KCNMB4: variants seen among roughly 807,000 people sequenced by gnomAD.
KCNMB4 encodes the protein calcium-activated potassium channel subunit beta-4.
A neutral mutation model predicts 20.7 loss-of-function variants in KCNMB4; 3 were observed. That is an observed-to-expected ratio of 0.14 (90% CI 0.07 to 0.37). The LOEUF is 0.37. Among genes scored for constraint, KCNMB4 ranks in the 10% least tolerant of loss-of-function variants. The pLI is 1.00. For synonymous variants in KCNMB4, 110 were observed against 113.4 expected (o/e 0.97, Z 0.19); for missense variants, 168 against 265.9 (o/e 0.63, Z 2.56).
chr12:70,421,271 T>C (rs10879138), intron 2 of KCNMB4, among the ~76,000 whole-genome samples: 48,890 of 151,144 alleles, frequency 0.32, 8,093 homozygotes, highest in East Asian at 0.54. Context: ...GTTGGAGGAT[T>C]GCTTGAGTCC....
intron 2 of KCNMB4, among the ~76,000 whole-genome samples, chr12:70,420,932 C>T (rs143444701): frequency 9.7e-5 from 13 of 133,578 alleles, no homozygotes; most frequent in Non-Finnish European, 1.9e-4. Context: ...GTGGCAGGCA[C>T]CTGTAGTCCC....
intron 2 of KCNMB4, among the ~76,000 whole-genome samples, chr12:70,426,549 C>G (rs1869220203): frequency 6.6e-6 from 1 of 152,136 alleles, no homozygotes; most frequent in East Asian, 1.9e-4. Flanking sequence ...TGTACTTCAA[C>G]AAGCACCGTT....
chr12:70,367,248 T>A (rs574187097), intron 1 of KCNMB4, among the ~76,000 whole-genome samples, 178 bp downstream of exon 1: 1 of 152,138 alleles, frequency 6.6e-6, no homozygotes, highest in Admixed American at 6.5e-5. Context: ...GGCTCCGGTC[T>A]TTTCAGGTGG....
At chr12:70,382,277 CA>C (rs1170305698) in intron 1 of KCNMB4, among the ~76,000 whole-genome samples, 1 of 151,130 alleles carries the variant, frequency 6.6e-6, no homozygotes, top group African/African-American at 2.4e-5. Flanking sequence ...ACTAAAAATA[CA>C]AAAAATTAGC....
chr12:70,415,132 G>C (rs1230940139), intron 2 of KCNMB4, among the ~76,000 whole-genome samples: 1 of 152,084 alleles, frequency 6.6e-6, no homozygotes, highest in Non-Finnish European at 1.5e-5. Context: ...CATTGAATCT[G>C]CACAACACCC....
rs755226529 is a variant in KCNMB4 at position 70,377,110 on chromosome 12, G to T, written c.336+10040G>T. Among the ~76,000 whole-genome samples the T allele has an allele frequency of 2.1e-4, 32 of 152,078 alleles. 1 individual carries two copies. Among genetic ancestry groups the T allele is most frequent in the Non-Finnish European group, 4.0e-4 (27 of 68,016 alleles). On this transcript the variant is annotated intron_variant, in intron 1 of 2. Transcript: ENST00000258111. ...CAGGTTGATCTACAGATTCATTACAGTCTCTAGCAAAACCCCAGCTGGATT... is the reference window on the plus strand; with the variant it reads ...CAGGTTGATCTACAGATTCATTACATTCTCTAGCAAAACCCCAGCTGGATT...
At chr12:70,414,896 T>G (rs1868874642) in intron 2 of KCNMB4, among the ~76,000 whole-genome samples, 1 of 152,246 alleles carries the variant, frequency 6.6e-6, no homozygotes, top group African/African-American at 2.4e-5. Flanking sequence ...CTCTTGATTA[T>G]GGTACCCATC....
At chr12:70,402,498 G>T (rs996878319) in intron 2 of KCNMB4, among the ~76,000 whole-genome samples, 5 of 151,770 alleles carry the variant, frequency 3.3e-5, no homozygotes, top group East Asian at 3.9e-4. Flanking sequence ...TTAAAAATTA[G>T]CCAGGCATGA....
At chr12:70,375,694 A>G (rs1883673323) in intron 1 of KCNMB4, among the ~76,000 whole-genome samples, 1 of 152,054 alleles carries the variant, frequency 6.6e-6, no homozygotes. Flanking sequence ...ATAAATCAAA[A>G]GCTCTACCTG....
At chr12:70,411,247 G>T (rs77747629) in intron 2 of KCNMB4, among the ~76,000 whole-genome samples, 10,241 of 152,150 alleles carry the variant, frequency 0.067, 684 homozygotes, top group East Asian at 0.37. Context: ...GAGGCAATTA[G>T]TAAAGAAATA....
intron 1 of KCNMB4, among the ~76,000 whole-genome samples, chr12:70,380,661 A>C (rs1278648792): frequency 6.6e-6 from 1 of 152,160 alleles, no homozygotes; most frequent in African/African-American, 2.4e-5. Flanking sequence ...AAAAAAAAAA[A>C]AAACCTATAC....
At chr12:70,385,615 T>C (rs911079891) in intron 1 of KCNMB4, among the ~76,000 whole-genome samples, 10 of 152,190 alleles carry the variant, frequency 6.6e-5, no homozygotes, top group African/African-American at 2.4e-4. Flanking sequence ...TTTGGAAAGA[T>C]AAATTCAGTT....
In KCNMB4 at chr12:70,430,562, T is replaced by C; in HGVS notation, c.542T>C (p.Phe181Ser). 1 of 1,614,022 alleles carries C rather than the reference T, an allele frequency of 6.2e-7. No homozygotes were observed. The highest frequency in any genetic ancestry group is 8.5e-7 in the Non-Finnish European group (1 of 1,179,976). Residue 181 changes from phenylalanine (F) to serine (S), a missense_variant, in exon 3 of 3, where the codon TTT becomes TCT. By Grantham distance (155) the Phe-to-Ser change is radical (BLOSUM62 -2). Coordinates refer to ENST00000258111, the MANE Select transcript of KCNMB4 (RefSeq NM_014505.6). ...LHCFLWPLVTFVVGVLIVVLT... is the reference protein window; with the variant it reads ...LHCFLWPLVTSVVGVLIVVLT... ...TGCTTCCTCTGGCCCCTGGTGACATTTGTGGTGGGCGTTCTCATTGTGGTC... is the reference window on the plus strand; with the variant it reads ...TGCTTCCTCTGGCCCCTGGTGACATCTGTGGTGGGCGTTCTCATTGTGGTC...
intron 2 of KCNMB4, among the ~76,000 whole-genome samples, chr12:70,426,787 G>T (rs537531866): frequency 2.2e-4 from 33 of 152,262 alleles, no homozygotes; most frequent in African/African-American, 7.7e-4. Flanking sequence ...CCACAGCACC[G>T]GGAGGATAGA....
At chr12:70,393,475 A>T (rs951080406) in intron 1 of KCNMB4, among the ~76,000 whole-genome samples, 1 of 152,152 alleles carries the variant, frequency 6.6e-6, no homozygotes, top group African/African-American at 2.4e-5. Context: ...TGCTGGGATT[A>T]CAGGTGTGAG....
chr12:70,385,981 A>C (rs1224008758), intron 1 of KCNMB4, among the ~76,000 whole-genome samples: 2 of 152,218 alleles, frequency 1.3e-5, no homozygotes. Flanking sequence ...AGAAATAAGG[A>C]AAACTTCCAA....
chr12:70,369,925 G>A (rs994147375), intron 1 of KCNMB4, among the ~76,000 whole-genome samples: 1 of 152,066 alleles, frequency 6.6e-6, no homozygotes, highest in Admixed American at 6.6e-5. Context: ...TCTAAATTCG[G>A]GGTCAACTTC....
At chr12:70,395,753 G>A (rs955457698) in intron 1 of KCNMB4, among the ~76,000 whole-genome samples, 1 of 152,150 alleles carries the variant, frequency 6.6e-6, no homozygotes, top group Non-Finnish European at 1.5e-5. Context: ...TTTCAAAGAA[G>A]TTATTTCATC....
chr12:70,394,729 C>T (rs981909269), intron 1 of KCNMB4, among the ~76,000 whole-genome samples: 7 of 152,050 alleles, frequency 4.6e-5, no homozygotes, highest in South Asian at 2.1e-4. Context: ...TACAGTGGGA[C>T]GATCACGGCT....
Sources: allele counts gnomAD v4.1 joint callset (sites outside exome capture counted in the v4.1 genomes callset), GRCh38; gene constraint gnomAD v4.1.1; transcripts MANE v1.5; gene names NCBI Gene and HGNC (gene_info 2026-07-23, HGNC 2026-07-21).